ZNF543: variants seen among roughly 807,000 people sequenced by gnomAD.
ZNF543 encodes zinc finger protein 543.
A neutral mutation model predicts 13.4 loss-of-function variants in ZNF543; 10 were observed. That is an observed-to-expected ratio of 0.75 (90% CI 0.46 to 1.26). The LOEUF is 1.26. ZNF543 is among the 50% of genes most tolerant of loss of function. ZNF543 has a pLI of 0.00. For missense variants in ZNF543, 768 were observed against 741.2 expected, an observed-to-expected ratio of 1.04 and a Z score of -0.42; for synonymous variants, 272 against 264.7, an observed-to-expected ratio of 1.03 and a Z score of -0.27.
In ZNF543 at chr19:57,329,002, A is replaced by G. The variant is rs1457779305; in HGVS notation, c.1540A>G (p.Lys514Glu). 6.2e-7 allele frequency: 1 copy of G among 1,614,200 alleles called. No individual in the cohort carries two copies. Among genetic ancestry groups the G allele is most frequent in the Admixed American group, 1.7e-5 (1 of 60,026 alleles). ...ACCCTATGAATGCATCCAGTGTGGGAAAGCCTTTTGCCGGAGCGCAAACCT... is the reference window on the plus strand; with the variant it reads ...ACCCTATGAATGCATCCAGTGTGGGGAAGCCTTTTGCCGGAGCGCAAACCT... ...EKPYECIQCG[K>E]AFCRSANLIR... Residue 514 changes from lysine (K) to glutamate (E), a missense_variant, in exon 4 of 4, where the codon AAA becomes GAA. Physicochemically the swap from Lys to Glu is moderately conservative, Grantham distance 56. Around this residue, in one of 3 missense-constraint regions of ZNF543, gnomAD observed 677 missense variants for 631.4 expected, o/e 1.07. Coordinates refer to ENST00000321545, the MANE Select transcript of ZNF543 (RefSeq NM_213598.4).
intron 2 of ZNF543, among the ~76,000 whole-genome samples, chr19:57,324,378 A>G (rs1450560703): frequency 1.3e-5 from 2 of 150,834 alleles, no homozygotes; most frequent in African/African-American, 4.9e-5. Flanking sequence ...AAAAAGGCCA[A>G]TATAGTATTT....
rs143331498 is a variant in ZNF543 at position 57,328,858 on chromosome 19, C to T, written c.1396C>T (p.Leu466Phe). 3.7e-6 allele frequency: 6 copies of T among 1,613,616 alleles called. No individual in the cohort carries two copies. In the Admixed American group the frequency reaches 5.0e-5, roughly 13 times the overall value. The change falls in exon 4 of 4, where the codon CTC becomes TTC. Residue 466 changes from leucine to phenylalanine, a missense_variant. Coordinates refer to ENST00000321545, the MANE Select transcript of ZNF543 (RefSeq NM_213598.4). ...AAAAGCCTTTAGTGATAGGGCAGAC[C>T]TCATTCGCCACTTCAGCATCCACAC... ...CGKAFSDRAD[L>F]IRHFSIHTGE...
At position 57,330,190 on chromosome 19, in the gene ZNF543, A is replaced by G. The variant is rs545796114; in HGVS notation, c.*925A>G. On this transcript the variant is annotated 3_prime_UTR_variant, in exon 4 of 4. Coordinates refer to ENST00000321545, the MANE Select transcript of ZNF543 (RefSeq NM_213598.4). ...TATGTTTGGACACATTGTCCACTTC[A>G]GATGCTTGTTTAAAAAAATGTTTCA... 1 of 152,170 alleles carries G rather than the reference A, an allele frequency of 6.6e-6. No homozygotes were observed. Among genetic ancestry groups the G allele is most frequent in the Admixed American group, 6.5e-5 (1 of 15,276 alleles). 9.4% of individuals were successfully genotyped at this position (152,170 alleles called of 1,614,324 possible).
At chr19:57,324,800 T>A (rs1214213316) in intron 2 of ZNF543, among the ~76,000 whole-genome samples, 1 of 94,396 alleles carries the variant, frequency 1.1e-5, no homozygotes, top group Admixed American at 1.1e-4. Flanking sequence ...ATGTAATGCT[T>A]TGCTTAGAAT....
intron 2 of ZNF543, 65 bp downstream of exon 2, chr19:57,323,873 C>G (rs1439718437): frequency 1.2e-5 from 19 of 1,567,918 alleles, no homozygotes; most frequent in Non-Finnish European, 1.6e-5. Flanking sequence ...TCCCCTCTCT[C>G]CTCCACAGCC....
chr19:57,322,768 T>G (rs1284094778), intron 1 of ZNF543, among the ~76,000 whole-genome samples: 1 of 152,142 alleles, frequency 6.6e-6, no homozygotes, highest in South Asian at 2.1e-4. Context: ...CAGTGTTTCC[T>G]TTACAGCTTT....
At chr19:57,324,395 T>C (rs905325029) in intron 2 of ZNF543, among the ~76,000 whole-genome samples, 1 of 150,624 alleles carries the variant, frequency 6.6e-6, no homozygotes, top group Non-Finnish European at 1.5e-5. Context: ...ATTTGTTTCA[T>C]AGGGCTAGTG....
At chr19:57,322,043 C>T (rs1438744603) in intron 1 of ZNF543, among the ~76,000 whole-genome samples, 1 of 152,190 alleles carries the variant, frequency 6.6e-6, no homozygotes, top group Non-Finnish European at 1.5e-5. Flanking sequence ...GTGCCTTCCT[C>T]CTTAGCCAGG....
In ZNF543 at chr19:57,330,232, A is replaced by T. The variant is rs2088154845; in HGVS notation, c.*967A>T. 1 of 151,702 alleles carries T rather than the reference A, an allele frequency of 6.6e-6. No individual in the cohort carries two copies. Among genetic ancestry groups the T allele is most frequent in the South Asian group, 2.1e-4 (1 of 4,810 alleles). 9.4% of individuals were successfully genotyped at this position (151,702 alleles called of 1,614,324 possible). ...AATGTTTCACCATGTGTCTTTACCCAATACACATACTTTTTCTTGATGTGG... is the reference window on the plus strand; with the variant it reads ...AATGTTTCACCATGTGTCTTTACCCTATACACATACTTTTTCTTGATGTGG... On this transcript the variant is annotated 3_prime_UTR_variant, in exon 4 of 4. Transcript: ENST00000321545.
chr19:57,321,000 C>T, intron 1 of ZNF543, 129 bp downstream of exon 1: 3 of 1,289,928 alleles, frequency 2.3e-6, no homozygotes. Context: ...GTGGCCGTAG[C>T]TTGTCATTTC....
chr19:57,324,906 C>G (rs1295155746), intron 2 of ZNF543, among the ~76,000 whole-genome samples: 1 of 152,144 alleles, frequency 6.6e-6, no homozygotes, highest in African/African-American at 2.4e-5. Flanking sequence ...AAACTAATGA[C>G]TAAATTTAAT....
Position 57,329,106 on chromosome 19 carries a change from A to G in ZNF543, c.1644A>G (p.Ser548=), listed in dbSNP as rs1396213110. 1 of 1,614,236 alleles carries G rather than the reference A, an allele frequency of 6.2e-7. No individual in the cohort carries two copies. ...SECGKAFNRG[S]SLTHHQRIHT... is the part of the protein sequence containing the mutation. Reference sequence around the variant, plus strand: ...GTGGAAAGGCTTTTAATCGCGGCTCATCCCTCACACATCATCAAAGGATTC... The same window carrying G: ...GTGGAAAGGCTTTTAATCGCGGCTCGTCCCTCACACATCATCAAAGGATTC... Residue 548 remains serine, a synonymous_variant, in exon 4 of 4, where the codon TCA becomes TCG. Coordinates refer to ENST00000321545, the MANE Select transcript of ZNF543 (RefSeq NM_213598.4).
In ZNF543 at chr19:57,328,626, C is replaced by T. The variant is rs1442916498; in HGVS notation, c.1164C>T (p.Ile388=). 1.2e-6 allele frequency: 2 copies of T among 1,613,382 alleles called. No individual in the cohort carries two copies. Among genetic ancestry groups the T allele is most frequent in the Admixed American group, 1.7e-5 (1 of 59,960 alleles). The change falls in exon 4 of 4, where the codon ATC becomes ATT. Residue 388 remains isoleucine, a synonymous_variant. Transcript: ENST00000321545. ...ESADLIQHYI[I]HTGEKPYKCM... ...CAGACCTCATTCAACACTACATTAT[C>T]CACACTGGGGAGAAGCCCTATAAGT...
chr19:57,326,444 G>A (rs570893500), intron 2 of ZNF543, among the ~76,000 whole-genome samples, 189 bp from the exon 3 acceptor site: 1 of 152,304 alleles, frequency 6.6e-6, no homozygotes, highest in Non-Finnish European at 1.5e-5. Context: ...GGGATTACAG[G>A]CATGACCCAC....
chr19:57,325,147 A>C (rs2088113464), intron 2 of ZNF543, among the ~76,000 whole-genome samples: 1 of 152,192 alleles, frequency 6.6e-6, no homozygotes, highest in African/African-American at 2.4e-5. Flanking sequence ...AAGATAGAGG[A>C]GCAAGTAGTA....
Position 57,328,751 on chromosome 19 carries a change from A to G in ZNF543, c.1289A>G (p.Lys430Arg), listed in dbSNP as rs1295018963. ...EKPYECSECG[K>R]AFTHCSTFVL... ...CCTTATGAATGCAGTGAATGTGGAA[A>G]GGCCTTCACCCACTGCTCCACTTTT... Residue 430 changes from lysine (K) to arginine (R), a missense_variant, in exon 4 of 4, where the codon AAG (lysine) becomes AGG (arginine). Physicochemically the swap from Lys to Arg is conservative, Grantham distance 26. Transcript: ENST00000321545. 5.0e-6 allele frequency: 8 copies of G among 1,614,146 alleles called. No homozygotes were observed. Among genetic ancestry groups the G allele is most frequent in the East Asian group, 2.2e-5 (1 of 44,882 alleles).
chr19:57,323,596 G>T (rs767641487), intron 1 of ZNF543, 86 bp from the exon 2 acceptor site: 9 of 1,517,362 alleles, frequency 5.9e-6, no homozygotes, highest in Non-Finnish European at 8.2e-6. Context: ...GGGTCACTGC[G>T]CATCTTTTGC....
intron 1 of ZNF543, among the ~76,000 whole-genome samples, chr19:57,322,398 G>C (rs534768890): frequency 6.6e-6 from 1 of 151,196 alleles, no homozygotes; most frequent in African/African-American, 2.4e-5. Context: ...ACAGTGGCAT[G>C]TGTCTGTATA....
intron 1 of ZNF543, among the ~76,000 whole-genome samples, chr19:57,321,309 C>T (rs543019592): frequency 6.6e-6 from 1 of 152,310 alleles, no homozygotes; most frequent in South Asian, 2.1e-4. Context: ...CTTCGCAGGG[C>T]CTCCCTCTCA....
Sources: gnomAD v4.1 joint callset for allele counts (sites outside exome capture counted in the v4.1 genomes callset) on GRCh38, gnomAD v4.1.1 for gene constraint, gnomAD v4.1.1 regional missense constraint, MANE v1.5 for transcripts, NCBI Gene and HGNC (gene_info 2026-07-23, HGNC 2026-07-21) for gene names.